Variants in TRAPPC14 observed in about 807,000 individuals in gnomAD.
TRAPPC14 encodes the protein trafficking protein particle complex subunit 14.
Under a neutral mutation model 56.6 loss-of-function variants are expected in TRAPPC14, and 24 were observed. That is an observed-to-expected ratio of 0.42 (90% CI 0.31 to 0.60). The LOEUF is 0.60. Among genes scored for constraint, TRAPPC14 ranks in the 20% least tolerant of loss-of-function variants. The probability of loss-of-function intolerance (pLI) is 0.14; values close to 1 mark genes in which losing one functional copy is unlikely to be tolerated. For missense variants in TRAPPC14, 615 were observed against 790.3 expected (o/e 0.78, Z 2.66); for synonymous variants, 377 against 347.0 (o/e 1.09, Z -0.96).
chr7:100,155,166 T>A lies in TRAPPC14; in HGVS notation c.1590-2A>T. ...CTGCGCTCCATCACACTGCCCGACCTGGGGGAAGGCAGAGGCTGTGGGCGC... is the reference window on the plus strand; with the variant it reads ...CTGCGCTCCATCACACTGCCCGACCAGGGGGAAGGCAGAGGCTGTGGGCGC... On this transcript the variant is annotated splice_acceptor_variant, in intron 10 of 10. Transcript: ENST00000316937. LOFTEE classifies it high-confidence loss of function. 6.2e-7 allele frequency: 1 copy of A among 1,610,704 alleles called. No homozygotes were observed. The highest frequency in any genetic ancestry group is 2.2e-5 in the East Asian group (1 of 44,880).
chr7:100,156,655 T>C lies in TRAPPC14; in HGVS notation c.1055A>G (p.Gln352Arg), dbSNP rs775104853. The C allele has an allele frequency of 1.2e-5, 20 of 1,608,712 alleles. No individual in the cohort carries two copies. Among genetic ancestry groups the C allele is most frequent in the Non-Finnish European group, 7.6e-6 (9 of 1,177,366 alleles). ...QWSTPKLPFT[Q>R]SIYTHYRLPS... ...TCACCGGTAGTGGGTGTAGATGCTCTGAGTGAAGGGCAGCTTTGGGGTAGA... is the reference window on the plus strand; with the variant it reads ...TCACCGGTAGTGGGTGTAGATGCTCCGAGTGAAGGGCAGCTTTGGGGTAGA... Residue 352 changes from glutamine (Q) to arginine (R), a missense_variant, in exon 7 of 11, where the codon CAG becomes CGG. Physicochemically the swap from Gln to Arg is conservative, Grantham distance 43. Coordinates refer to ENST00000316937, the MANE Select transcript of TRAPPC14 (RefSeq NM_018275.5).
intron 1 of TRAPPC14, 65 bp downstream of exon 1, chr7:100,158,024 C>T (rs1017815280): frequency 1.8e-5 from 26 of 1,408,418 alleles, no homozygotes; most frequent in African/African-American, 1.7e-4. Context: ...GTTCATCTGC[C>T]TCCTGCCTCA....
chr7:100,158,664 G>A lies in TRAPPC14; in HGVS notation c.-165C>T. 1.7e-6 allele frequency: 1 copy of A among 594,796 alleles called. No homozygotes were observed. The highest frequency in any genetic ancestry group is 2.5e-6 in the Non-Finnish European group (1 of 403,842). The allele number at this position is 594,796 out of a possible 1,614,324, so 36.8% of individuals were successfully genotyped here. A position where few individuals can be genotyped will look rare whatever the true frequency, so the allele number is the denominator to read the frequency against. ...GGCACCGGGGCAACGAACCCGAACC[G>A]AGACCCGGCAGCGCCGGAACCGGGG... On this transcript the variant is annotated 5_prime_UTR_variant, in exon 1 of 11. Transcript: ENST00000316937.
chr7:100,155,886 G>A (rs772522561), intron 8 of TRAPPC14, 61 bp from the exon 9 acceptor site: 60 of 1,598,740 alleles, frequency 3.8e-5, no homozygotes, highest in Non-Finnish European at 4.7e-5. Flanking sequence ...CAGGGCCTTC[G>A]CCAGCACAGT....
chr7:100,156,730 A>T lies in TRAPPC14; in HGVS notation c.994-14T>A, dbSNP rs752735644. On this transcript the variant is annotated splice_polypyrimidine_tract_variant and intron_variant, in intron 6 of 10. Transcript: ENST00000316937. ...AACTTCCAGGCCCTGCAGGAGGGAC[A>T]AAGGGGGTTGGCACAGGTATTAAGA... 6 of 1,607,326 alleles carry T rather than the reference A, an allele frequency of 3.7e-6. No individual in the cohort carries two copies. Among genetic ancestry groups the T allele is most frequent in the Non-Finnish European group, 5.1e-6 (6 of 1,176,526 alleles).
intron 8 of TRAPPC14, chr7:100,156,163 G>C: frequency 4.9e-6 from 3 of 613,078 alleles, no homozygotes; most frequent in Non-Finnish European, 8.7e-6. Context: ...TGCAGCTCCA[G>C]TGTCTATGCC....
chr7:100,157,873 A>G lies in TRAPPC14; in HGVS notation c.477T>C (p.Asp159=). ...CCTTAGGTGTCCCTGGGGGCAGTCT[A>G]TCCAGTGAAACGGTGAGTGGGAAGA... The part of the protein sequence containing the change: ...EVIFPLTVSL[D]RLPPGTPKAK... The change falls in exon 2 of 11, where the codon GAT becomes GAC. Residue 159 remains aspartate (D), a synonymous_variant. Transcript: ENST00000316937. The G allele has an allele frequency of 6.3e-7, 1 of 1,576,882 alleles. No individual in the cohort carries two copies. Among genetic ancestry groups the G allele is most frequent in the Non-Finnish European group, 8.6e-7 (1 of 1,159,352 alleles).
chr7:100,154,756 T>C lies in TRAPPC14; in HGVS notation c.*255A>G. The C allele has an allele frequency of 1.8e-6, 1 of 560,684 alleles. No homozygotes were observed. The highest frequency in any genetic ancestry group is 3.2e-6 in the Non-Finnish European group (1 of 313,924). 34.7% of individuals were successfully genotyped at this position (560,684 alleles called of 1,614,324 possible). A position where few individuals can be genotyped will look rare whatever the true frequency, so the allele number is the denominator to read the frequency against. On this transcript the variant is annotated 3_prime_UTR_variant, in exon 11 of 11. Transcript: ENST00000316937. ...GGGGACAAGGGAGCTCTGGGAACCC[T>C]TGCCCTGGCCTAGGGGTGGGGCCAG...
Position 100,156,861 on chromosome 7 carries a change from G to T in TRAPPC14, c.977C>A (p.Pro326His). Residue 326 changes from proline to histidine, a missense_variant, in exon 6 of 11, where the codon CCT becomes CAT. Pro to His is a moderately conservative substitution (Grantham distance 77). Transcript: ENST00000316937. Reference protein sequence around the residue: ...LFQLRGGEQPPPGAKEGLEVP... With the variant: ...LFQLRGGEQPHPGAKEGLEVP... ...TATGCTCACCTCCTTGGCCCCTGGA[G>T]GGGGCTGCTCACCCCCTCTCAGCTG... 6.2e-7 allele frequency: 1 copy of T among 1,614,056 alleles called. No homozygotes were observed. Among genetic ancestry groups the T allele is most frequent in the South Asian group, 1.1e-5 (1 of 91,084 alleles).
Position 100,157,131 on chromosome 7 carries a change from T to C in TRAPPC14, c.808A>G (p.Met270Val). Residue 270 changes from methionine (M) to valine (V), a missense_variant, in exon 5 of 11, where the codon ATG (methionine) becomes GTG (valine). Coordinates refer to ENST00000316937, the MANE Select transcript of TRAPPC14 (RefSeq NM_018275.5). ...PNFNASYLPVMPDGSVLLVDN... is the reference protein window; with the variant it reads ...PNFNASYLPVVPDGSVLLVDN... Reference sequence around the variant, plus strand: ...ACCAGCAGCACAGAGCCATCGGGCATGACAGGTAGATAACTGGCGTTGAAG... The same window carrying C: ...ACCAGCAGCACAGAGCCATCGGGCACGACAGGTAGATAACTGGCGTTGAAG... 1.2e-6 allele frequency: 2 copies of C among 1,614,184 alleles called. No homozygotes were observed. The highest frequency in any genetic ancestry group is 1.3e-5 in the African/African-American group (1 of 75,036).
rs1020373989 is a variant in TRAPPC14 at position 100,154,816 on chromosome 7, T to A, written c.*195A>T. 7 of 616,522 alleles carry A rather than the reference T, an allele frequency of 1.1e-5. No individual in the cohort carries two copies. Among genetic ancestry groups the A allele is most frequent in the African/African-American group, 3.7e-5 (2 of 54,116 alleles). The allele number at this position is 616,522 out of a possible 1,614,324, so 38.2% of individuals were successfully genotyped here. A position where few individuals can be genotyped will look rare whatever the true frequency, so the allele number is the denominator to read the frequency against. ...CAGGAACTCGGGGAATACTGGTGGC[T>A]TAGTCCCAGCCATGCCCGCCCACTT... On this transcript the variant is annotated 3_prime_UTR_variant, in exon 11 of 11. Transcript: ENST00000316937.
intron 3 of TRAPPC14, 22 bp downstream of exon 3, chr7:100,157,611 G>A: frequency 6.2e-7 from 1 of 1,613,582 alleles, no homozygotes; most frequent in Non-Finnish European, 8.5e-7. Flanking sequence ...CTAGCCCTTT[G>A]CCTCTGCGCT....
At position 100,157,778 on chromosome 7, in the gene TRAPPC14, A is replaced by G. The variant is rs146340644; in HGVS notation, c.508-16T>C. 815 of 1,614,192 alleles carry G rather than the reference A, an allele frequency of 5.0e-4. 5 individuals are homozygous for G. In the African/African-American group the frequency reaches 9.7e-3, roughly 19 times the overall value. Reference sequence around the variant, plus strand: ...TCACTACAATCTGTCAAGAGGAAAGACAGATGGCTGAGCCCGGAAAAGGTG... The same window carrying G: ...TCACTACAATCTGTCAAGAGGAAAGGCAGATGGCTGAGCCCGGAAAAGGTG... On this transcript the variant is annotated splice_polypyrimidine_tract_variant and intron_variant, in intron 2 of 10. Transcript: ENST00000316937.
At position 100,158,548 on chromosome 7, in the gene TRAPPC14, C is replaced by T. The variant is rs576404292; in HGVS notation, c.-49G>A. 1.5e-6 allele frequency: 2 copies of T among 1,305,636 alleles called. No homozygotes were observed. Among genetic ancestry groups the T allele is most frequent in the South Asian group, 4.5e-5 (2 of 44,710 alleles). The allele number at this position is 1,305,636 out of a possible 1,614,324, so 80.9% of individuals were successfully genotyped here. A position where few individuals can be genotyped will look rare whatever the true frequency, so the allele number is the denominator to read the frequency against. On this transcript the variant is annotated 5_prime_UTR_variant, in exon 1 of 11. Coordinates refer to ENST00000316937, the MANE Select transcript of TRAPPC14 (RefSeq NM_018275.5). The stretch of plus-strand genomic sequence containing the variant: ...GGGAGCCCGGACCGGAGGCCGACCG[C>T]CGGCGGGGCCCGCTAGGGTGGGTCC...
chr7:100,157,937 A>C lies in TRAPPC14; in HGVS notation c.413T>G (p.Leu138Arg). The C allele has an allele frequency of 6.5e-7, 1 of 1,537,184 alleles. No individual in the cohort carries two copies. The highest frequency in any genetic ancestry group is 8.8e-7 in the Non-Finnish European group (1 of 1,140,552). ...GPATSGGATTLPVEEPIVSTD... is the reference protein window; with the variant it reads ...GPATSGGATTRPVEEPIVSTD... ...GGACACAATCGGTTCCTCCACAGGC[A>C]GCTGGGGTTGGGAAAGGGGTGAAGA... The change falls in exon 2 of 11, where the codon CTG becomes CGG. Residue 138 changes from leucine to arginine, a missense_variant and splice_region_variant. Leu to Arg is a moderately radical substitution (Grantham distance 102, BLOSUM62 -2). Coordinates refer to ENST00000316937, the MANE Select transcript of TRAPPC14 (RefSeq NM_018275.5).
At chr7:100,155,226 C>A in intron 10 of TRAPPC14, 36 bp downstream of exon 10, 1 of 1,596,280 alleles carries the variant, frequency 6.3e-7, no homozygotes, top group Non-Finnish European at 8.5e-7. Flanking sequence ...CTCCCATCCT[C>A]TACCCGGTCC....
Position 100,158,146 on chromosome 7 carries a change from G to A in TRAPPC14, c.354C>T (p.Gly118=). ...GDPGGGGLFR[G]CSPLLTHGPG... is the part of the protein sequence containing the mutation. ...GGCCGTGGGTGAGAAGGGGGCTGCAGCCTCGGAACAAACCCCCACCCCCAG... is the reference window on the plus strand; with the variant it reads ...GGCCGTGGGTGAGAAGGGGGCTGCAACCTCGGAACAAACCCCCACCCCCAG... The change falls in exon 1 of 11, where the codon GGC becomes GGT. Residue 118 remains glycine, a synonymous_variant. Coordinates refer to ENST00000316937, the MANE Select transcript of TRAPPC14 (RefSeq NM_018275.5). 1 of 1,488,676 alleles carries A rather than the reference G, an allele frequency of 6.7e-7. No homozygotes were observed. Among genetic ancestry groups the A allele is most frequent in the Non-Finnish European group, 8.9e-7 (1 of 1,126,112 alleles). The allele number at this position is 1,488,676 out of a possible 1,614,324, so 92.2% of individuals were successfully genotyped here. A position where few individuals can be genotyped will look rare whatever the true frequency, so the allele number is the denominator to read the frequency against.
At position 100,157,464 on chromosome 7, in the gene TRAPPC14, G is replaced by A. The variant is rs1353036473; in HGVS notation, c.638-5C>T. 5.6e-6 allele frequency: 9 copies of A among 1,611,492 alleles called. 1 individual carries two copies. In the Admixed American group the frequency reaches 1.5e-4, roughly 27 times the overall value. ...GCAGAGTCAGCAGCGTGCTCACTGC[G>A]GGAGGGGGTGGGGGCAAGAAGTGAT... On this transcript the variant is annotated splice_polypyrimidine_tract_variant and splice_region_variant and intron_variant, in intron 3 of 10. Coordinates refer to ENST00000316937, the MANE Select transcript of TRAPPC14 (RefSeq NM_018275.5).
Position 100,158,081 on chromosome 7 carries a change from C to A in TRAPPC14, c.411+8G>T. On this transcript the variant is annotated splice_region_variant and intron_variant, in intron 1 of 10. Coordinates refer to ENST00000316937, the MANE Select transcript of TRAPPC14 (RefSeq NM_018275.5). The stretch of plus-strand genomic sequence containing the variant: ...CCGTCCTGTGCCAGGTCCCCCAAAG[C>A]TCCTCACCGTGGTCGCTCCCCCTGA... The A allele has an allele frequency of 6.8e-7, 1 of 1,468,644 alleles. No homozygotes were observed. Among genetic ancestry groups the A allele is most frequent in the Non-Finnish European group, 9.0e-7 (1 of 1,108,062 alleles). 91.0% of individuals were successfully genotyped at this position (1,468,644 alleles called of 1,614,324 possible). A position where few individuals can be genotyped will look rare whatever the true frequency, so the allele number is the denominator to read the frequency against.
Sources: allele counts gnomAD v4.1 joint callset, GRCh38; gene constraint gnomAD v4.1.1; transcripts MANE v1.5; gene names NCBI Gene and HGNC (gene_info 2026-07-23, HGNC 2026-07-21).